ARAP2: variants seen among roughly 807,000 people sequenced by gnomAD.
ARAP2 encodes arf-GAP with Rho-GAP domain, ANK repeat and PH domain-containing protein 2.
ARAP2 carries 148 observed loss-of-function variants against 194.5 expected under a neutral mutation model. The observed-to-expected ratio is 0.76, with a 90% CI of 0.67 to 0.87. The LOEUF (loss-of-function observed/expected upper bound fraction) is 0.87. Ranked by LOEUF, ARAP2 falls within the 40% of genes least tolerant of loss-of-function variation. The pLI, the probability that ARAP2 is intolerant of heterozygous loss-of-function variation, is 0.00. For missense variants in ARAP2, 2,128 were observed against 1,989.7 expected, an observed-to-expected ratio of 1.07 and a Z score of -1.32; for synonymous variants, 695 against 683.5, an observed-to-expected ratio of 1.02 and a Z score of -0.26.
downstream of ARAP2, chr4:36,065,376 T>G: frequency 1.9e-6 from 1 of 523,776 alleles, no homozygotes; most frequent in Non-Finnish European, 3.9e-6. Flanking sequence ...CTTCTCATAG[T>G]GCCAGGGCCC....
rs554263312 is a variant in ARAP2 at position 36,114,317 on chromosome 4, A to T, written c.4039-30T>A. On this transcript the variant is annotated intron_variant, in intron 25 of 32. Coordinates refer to ENST00000303965, the MANE Select transcript of ARAP2 (RefSeq NM_015230.4). ...AAGAGAAGTAATATTTTTTCAAAAA[A>T]CGTGTTAGACACAGAAGTAGCCTTA... 3 of 1,380,902 alleles carry T rather than the reference A, an allele frequency of 2.2e-6. No individual in the cohort carries two copies. In the South Asian group the frequency reaches 3.7e-5, roughly 17 times the overall value. The allele number at this position is 1,380,902 out of a possible 1,614,324, so 85.5% of individuals were successfully genotyped here.
At chr4:36,224,731 A>T (rs1749910342) in intron 2 of ARAP2, among the ~76,000 whole-genome samples, 1 of 152,194 alleles carries the variant, frequency 6.6e-6, no homozygotes, top group African/African-American at 2.4e-5. Context: ...TATGTATTCA[A>T]TTCAAAATTT....
intron 9 of ARAP2, among the ~76,000 whole-genome samples, chr4:36,170,568 T>C (rs563420191): frequency 3.3e-5 from 5 of 152,292 alleles, no homozygotes; most frequent in African/African-American, 1.2e-4. Flanking sequence ...ATTGGATTGG[T>C]GAGATCCTAT....
At chr4:36,070,020 G>A (rs1726453899) in intron 32 of ARAP2, among the ~76,000 whole-genome samples, 1 of 151,940 alleles carries the variant, frequency 6.6e-6, no homozygotes, top group Non-Finnish European at 1.5e-5. Flanking sequence ...GCTTCCTAAG[G>A]CTTCCCGAGA....
rs562810505 is a variant in ARAP2 at position 36,244,277 on chromosome 4, C to T, written c.-258G>A. The T allele has an allele frequency of 3.3e-5, 5 of 152,118 alleles. No individual in the cohort carries two copies. The South Asian group carries it at 1.0e-3, about 32-fold the overall frequency. 9.4% of individuals were successfully genotyped at this position (152,118 alleles called of 1,614,324 possible). On this transcript the variant is annotated 5_prime_UTR_variant, in exon 1 of 33. Transcript: ENST00000303965. ...AGCCTTGGGCGCTCGGTCCTCGCCC[C>T]TCTGCCGGAGGCGCCAGGCCTCCTC...
At chr4:36,061,774 C>T (rs1209129593), downstream of ARAP2, among the ~76,000 whole-genome samples, 1 of 151,980 alleles carries the variant, frequency 6.6e-6, no homozygotes, top group Non-Finnish European at 1.5e-5. Context: ...ACATTCCCAC[C>T]AAGAAGTTTC....
At chr4:36,080,193 G>C (rs1224720409) in intron 31 of ARAP2, 23 bp downstream of exon 31, 1 of 1,598,296 alleles carries the variant, frequency 6.3e-7, no homozygotes. Context: ...TACTCTACTG[G>C]ATAGTTCAAA....
rs1227840461 is a variant in ARAP2 at position 36,244,341 on chromosome 4, T to C, written c.-322A>G. On this transcript the variant is annotated 5_prime_UTR_variant, in exon 1 of 33. Transcript: ENST00000303965. ...GCCGGCTGTCCGCAGTCGCCTCTGC[T>C]GCCTGGCGGCGGCCGCGCGGGCGGC... 5.3e-5 allele frequency: 8 copies of C among 151,530 alleles called. No individual in the cohort carries two copies. Among genetic ancestry groups the C allele is most frequent in the East Asian group, 3.9e-4 (2 of 5,090 alleles). The allele number at this position is 151,530 out of a possible 1,614,324, so 9.4% of individuals were successfully genotyped here.
chr4:36,071,672 T>A (rs1447368387), intron 32 of ARAP2, among the ~76,000 whole-genome samples: 1 of 135,880 alleles, frequency 7.4e-6, no homozygotes, highest in Non-Finnish European at 1.5e-5. Flanking sequence ...AATACTTAAT[T>A]TTTTTTTGAG....
chr4:36,187,165 G>A (rs1431065276), intron 8 of ARAP2, among the ~76,000 whole-genome samples: 7 of 152,158 alleles, frequency 4.6e-5, no homozygotes, highest in African/African-American at 9.7e-5. Flanking sequence ...TTAGCTCCAC[G>A]AAAGCAGAGA....
At position 36,119,676 on chromosome 4, in the gene ARAP2, A is replaced by G. The variant is rs1722224203; in HGVS notation, c.3937T>C (p.Phe1313Leu). The change falls in exon 24 of 33, where the codon TTT becomes CTT. Residue 1313 changes from phenylalanine to leucine, a missense_variant. Transcript: ENST00000303965. The part of the protein sequence containing the change: ...QVKQMDIENS[F>L]ITKWKDTQVS... ...TGGGTGTCTTTCCACTTGGTAATAA[A>G]GCTATTTTCTATGTCCATTTGTTTG... 1 of 1,604,218 alleles carries G rather than the reference A, an allele frequency of 6.2e-7. No individual in the cohort carries two copies.
chr4:36,139,813 T>G (rs904986208), intron 19 of ARAP2, among the ~76,000 whole-genome samples: 3 of 151,680 alleles, frequency 2.0e-5, no homozygotes, highest in African/African-American at 7.3e-5. Flanking sequence ...TTTGGAAGCA[T>G]GTTTAACTTC....
intron 5 of ARAP2, among the ~76,000 whole-genome samples, chr4:36,032,553 G>C (rs1719162594): frequency 1.3e-5 from 2 of 152,076 alleles, no homozygotes; most frequent in South Asian, 4.1e-4. Flanking sequence ...CTCCTCTGAA[G>C]AGATTAAATA....
At chr4:36,207,382 T>C (rs903671309) in intron 6 of ARAP2, among the ~76,000 whole-genome samples, 9 of 152,250 alleles carry the variant, frequency 5.9e-5, no homozygotes, top group Admixed American at 5.9e-4. Flanking sequence ...TATTGTTTCT[T>C]TCACACAGTT....
At position 36,160,647 on chromosome 4, in the gene ARAP2, T is replaced by C. The variant is rs752820585; in HGVS notation, c.2260-6A>G. The C allele has an allele frequency of 2.2e-6, 3 of 1,352,498 alleles. No individual in the cohort carries two copies. Among genetic ancestry groups the C allele is most frequent in the Non-Finnish European group, 2.8e-6 (3 of 1,065,748 alleles). The allele number at this position is 1,352,498 out of a possible 1,614,324, so 83.8% of individuals were successfully genotyped here. ...TTTCCAATGACAATAAAAAGCTGAA[T>C]TGTCAAAAAAAAAACCCCATAATAT... On this transcript the variant is annotated splice_region_variant and splice_polypyrimidine_tract_variant and intron_variant, in intron 12 of 32. Transcript: ENST00000303965.
intron 28 of ARAP2, among the ~76,000 whole-genome samples, chr4:36,089,016 T>C (rs1712757396): frequency 6.6e-6 from 1 of 152,096 alleles, no homozygotes; most frequent in Admixed American, 6.6e-5. Flanking sequence ...TTGGTACTAC[T>C]TGAATCTCAG....
At chr4:36,054,796 T>G (rs1371983578) in intron 2 of ARAP2, among the ~76,000 whole-genome samples, 1 of 152,242 alleles carries the variant, frequency 6.6e-6, no homozygotes, top group Non-Finnish European at 1.5e-5. Context: ...GTAAAGCTGA[T>G]GACTACTCAT....
At chr4:36,070,129 G>C (rs981796698) in intron 32 of ARAP2, among the ~76,000 whole-genome samples, 4 of 152,138 alleles carry the variant, frequency 2.6e-5, no homozygotes, top group African/African-American at 4.8e-5. Flanking sequence ...TTATAGCAAT[G>C]AGGGAATAGA....
intron 19 of ARAP2, among the ~76,000 whole-genome samples, chr4:36,142,267 T>C (rs1287469156): frequency 2.0e-5 from 3 of 151,688 alleles, no homozygotes; most frequent in Non-Finnish European, 4.4e-5. Context: ...TTGAGGGATC[T>C]TGCTCTCTTG....
Sources: gnomAD v4.1 joint callset for allele counts (sites outside exome capture counted in the v4.1 genomes callset) on GRCh38, gnomAD v4.1.1 for gene constraint, MANE v1.5 for transcripts, NCBI Gene and HGNC (gene_info 2026-07-23, HGNC 2026-07-21) for gene names.